Variants in CTNNA3 observed in about 807,000 individuals in gnomAD.
The protein encoded by CTNNA3 is catenin alpha 3, also known as catenin alpha-3.
In CTNNA3, 76 loss-of-function variants were observed where a neutral mutation model predicts 95.7. That is an observed-to-expected ratio of 0.79 (90% CI 0.66 to 0.96). The LOEUF (loss-of-function observed/expected upper bound fraction) is 0.96. Among genes scored for constraint, CTNNA3 ranks in the 40% least tolerant of loss-of-function variants. CTNNA3 has a pLI of 0.00. For missense variants in CTNNA3, 1,191 were observed against 1,089.8 expected (o/e 1.09, Z -1.31); for synonymous variants, 431 against 374.4 (o/e 1.15, Z -1.74).
At chr10:66,556,061 T>C (rs1272543204) in intron 10 of CTNNA3, among the ~76,000 whole-genome samples, 1 of 151,674 alleles carries the variant, frequency 6.6e-6, no homozygotes, top group Non-Finnish European at 1.5e-5. Context: ...AGCAACCAAA[T>C]AGACATTTTC....
chr10:67,227,694 A>T (rs1303633270), intron 5 of CTNNA3, among the ~76,000 whole-genome samples: 9 of 152,340 alleles, frequency 5.9e-5, no homozygotes, highest in Middle Eastern at 3.4e-3. Context: ...GGAACAAATG[A>T]ACTTAACAGA....
At chr10:66,426,632 T>C (rs1289285186) in intron 11 of CTNNA3, among the ~76,000 whole-genome samples, 3 of 151,960 alleles carry the variant, frequency 2.0e-5, no homozygotes, top group Admixed American at 6.6e-5. Context: ...ATGCAAGCAA[T>C]CTGTTTTTCT....
In CTNNA3 at chr10:66,783,171, G is replaced by T. The variant is rs188533320; in HGVS notation, c.1048-7647C>A. On this transcript the variant is annotated intron_variant, in intron 7 of 17. Coordinates refer to ENST00000433211, the MANE Select transcript of CTNNA3 (RefSeq NM_013266.4). ...CCAGAGATACTCACGCCAGAATACAGAATTTTAACCGATATTCACCAAACA... is the reference window on the plus strand; with the variant it reads ...CCAGAGATACTCACGCCAGAATACATAATTTTAACCGATATTCACCAAACA... Among the ~76,000 whole-genome samples, 197 of 152,244 alleles carry T rather than the reference G, an allele frequency of 1.3e-3. 1 individual carries two copies. The highest frequency in any genetic ancestry group is 4.6e-3 in the African/African-American group (190 of 41,570).
chr10:66,089,419 C>T (rs1236334601), intron 14 of CTNNA3, among the ~76,000 whole-genome samples: 1 of 151,134 alleles, frequency 6.6e-6, no homozygotes, highest in Non-Finnish European at 1.5e-5. Context: ...TCCTTCCTTC[C>T]TTTCTTCCTT....
chr10:66,088,165 T>C (rs1180248911), intron 14 of CTNNA3, among the ~76,000 whole-genome samples: 1 of 152,034 alleles, frequency 6.6e-6, no homozygotes, highest in Non-Finnish European at 1.5e-5. Flanking sequence ...TTTTTCCCTC[T>C]GTACTTTCAT....
intron 5 of CTNNA3, among the ~76,000 whole-genome samples, chr10:67,235,136 C>A: frequency 6.6e-6 from 1 of 152,052 alleles, no homozygotes; most frequent in African/African-American, 2.4e-5. Flanking sequence ...CTACTAATGA[C>A]TTTCTTCACA....
chr10:67,200,423 T>C lies in CTNNA3; in HGVS notation c.843+19184A>G, dbSNP rs78140379. ...AGTTTAATACTCCCTAAAGAAGGCA[T>C]AAAATTCCTATAGAACCAAGATTCT... On this transcript the variant is annotated intron_variant, in intron 6 of 17. Coordinates refer to ENST00000433211, the MANE Select transcript of CTNNA3 (RefSeq NM_013266.4). 0.011 allele frequency among the ~76,000 whole-genome samples: 1,706 copies of C among 152,230 alleles called. 91 individuals carry two copies. In the East Asian group the frequency reaches 0.17, roughly 15 times the overall value.
chr10:67,281,637 A>T (rs1839405560), intron 5 of CTNNA3, among the ~76,000 whole-genome samples: 1 of 152,206 alleles, frequency 6.6e-6, no homozygotes, highest in Admixed American at 6.6e-5. Flanking sequence ...AATAAAAATT[A>T]ATTTTCCAAG....
chr10:66,438,088 A>G (rs994711093), intron 11 of CTNNA3, among the ~76,000 whole-genome samples: 1 of 152,010 alleles, frequency 6.6e-6, no homozygotes, highest in Non-Finnish European at 1.5e-5. Context: ...CCAGAGGGGC[A>G]CCTGCCAGAT....
intron 5 of CTNNA3, among the ~76,000 whole-genome samples, chr10:67,407,555 G>T (rs1237121285): frequency 6.6e-6 from 1 of 152,162 alleles, no homozygotes; most frequent in African/African-American, 2.4e-5. Context: ...AGTATTGGAA[G>T]TTCTGACCAG....
intron 13 of CTNNA3, among the ~76,000 whole-genome samples, chr10:66,234,967 G>A (rs1425562651): frequency 1.3e-5 from 2 of 152,190 alleles, no homozygotes; most frequent in Admixed American, 1.3e-4. Flanking sequence ...ATATGACAAG[G>A]AAGTGAAAGT....
chr10:67,196,910 G>A (rs1863397612), intron 6 of CTNNA3, among the ~76,000 whole-genome samples: 1 of 151,870 alleles, frequency 6.6e-6, no homozygotes, highest in Admixed American at 6.6e-5. Context: ...GGAAATATGT[G>A]TTTACATGTT....
intron 2 of CTNNA3, among the ~76,000 whole-genome samples, chr10:67,609,090 CAAA>C (rs397977100): frequency 1.3e-5 from 1 of 79,682 alleles, no homozygotes. Flanking sequence ...AACTCTATCT[CAAA>C]AAAAAAAAAA....
chr10:67,729,455 T>G (rs906893031), intron 1 of CTNNA3, among the ~76,000 whole-genome samples: 1 of 152,076 alleles, frequency 6.6e-6, no homozygotes, highest in African/African-American at 2.4e-5. Flanking sequence ...ACAAAAACAA[T>G]AAAGACAATG....
chr10:66,148,405 G>A (rs1051701388), intron 13 of CTNNA3, among the ~76,000 whole-genome samples: 5 of 152,010 alleles, frequency 3.3e-5, no homozygotes, highest in African/African-American at 4.8e-5. Context: ...GAAAATTCAT[G>A]TTGAAATCTA....
chr10:67,261,584 A>G (rs1231891347), intron 5 of CTNNA3, among the ~76,000 whole-genome samples: 1 of 152,182 alleles, frequency 6.6e-6, no homozygotes, highest in Non-Finnish European at 1.5e-5. Context: ...CTGGCTTAGA[A>G]CTACATTGCG....
chr10:67,063,449 T>TC (rs893791522), intron 7 of CTNNA3, among the ~76,000 whole-genome samples: 1 of 152,138 alleles, frequency 6.6e-6, no homozygotes, highest in African/African-American at 2.4e-5. Flanking sequence ...TTATGAGTAC[T>TC]CCAAGTTCCA....
At chr10:66,115,018 T>C (rs536664502) in intron 13 of CTNNA3, among the ~76,000 whole-genome samples, 2 of 152,354 alleles carry the variant, frequency 1.3e-5, no homozygotes, top group East Asian at 3.9e-4. Flanking sequence ...AACATTTTTC[T>C]ATCTTTTATC....
intron 5 of CTNNA3, among the ~76,000 whole-genome samples, chr10:67,341,041 ATTTT>A (rs571670315): frequency 3.3e-5 from 5 of 152,084 alleles, no homozygotes; most frequent in Non-Finnish European, 4.4e-5. Flanking sequence ...GTTTTTATTT[ATTTT>A]TTCAATTTTT....
Sources: gnomAD v4.1 joint callset for allele counts (sites outside exome capture counted in the v4.1 genomes callset) on GRCh38, gnomAD v4.1.1 for gene constraint, MANE v1.5 for transcripts, NCBI Gene and HGNC (gene_info 2026-07-23, HGNC 2026-07-21) for gene names.